The following SNX24 variants were observed in gnomAD, a reference collection of about 807,000 sequenced individuals.
The protein encoded by SNX24 is sorting nexin-24.
In SNX24, 22 loss-of-function variants were observed where a neutral mutation model predicts 28.7. That is an observed-to-expected ratio of 0.77 (90% CI 0.55 to 1.10). The LOEUF (loss-of-function observed/expected upper bound fraction) is 1.10. SNX24 is among the 50% of genes least tolerant of loss of function. The probability of loss-of-function intolerance (pLI) is 0.00; values close to 1 mark genes in which losing one functional copy is unlikely to be tolerated. For synonymous variants in SNX24, 69 were observed against 71.5 expected (o/e 0.96, Z 0.18); for missense variants, 221 against 201.1 (o/e 1.10, Z -0.60).
At chr5:122,851,656 T>C (rs1754924685) in intron 1 of SNX24, among the ~76,000 whole-genome samples, 1 of 152,210 alleles carries the variant, frequency 6.6e-6, no homozygotes, top group Non-Finnish European at 1.5e-5. Flanking sequence ...GGCAGCTTCT[T>C]ATATATAGGA....
intron 3 of SNX24, among the ~76,000 whole-genome samples, chr5:122,964,604 T>C (rs931340770): frequency 3.9e-5 from 6 of 152,158 alleles, no homozygotes; most frequent in African/African-American, 1.4e-4. Flanking sequence ...ATGTATTACA[T>C]ATCCTTGTAA....
intron 6 of SNX24, among the ~76,000 whole-genome samples, chr5:123,006,587 A>G (rs1016074180): frequency 3.3e-5 from 5 of 152,230 alleles, no homozygotes; most frequent in African/African-American, 1.2e-4. Flanking sequence ...CTCCCTCAGT[A>G]GCTTCCCATT....
chr5:122,848,270 A>AT (rs1754731943), intron 1 of SNX24, among the ~76,000 whole-genome samples: 2 of 152,140 alleles, frequency 1.3e-5, no homozygotes, highest in Admixed American at 1.3e-4. Flanking sequence ...TAATTTTTGT[A>AT]TTTTTTGTAG....
intron 2 of SNX24, among the ~76,000 whole-genome samples, chr5:122,942,441 TA>T (rs1292106005): frequency 6.6e-6 from 1 of 152,262 alleles, no homozygotes; most frequent in Non-Finnish European, 1.5e-5. Context: ...GATGGGATTT[TA>T]TCCCCAAGTG....
At chr5:122,923,286 G>A (rs1758524308) in intron 1 of SNX24, among the ~76,000 whole-genome samples, 1 of 151,436 alleles carries the variant, frequency 6.6e-6, no homozygotes, top group Non-Finnish European at 1.5e-5. Flanking sequence ...CTGCCATGAG[G>A]TATGATTACA....
intron 5 of SNX24, among the ~76,000 whole-genome samples, chr5:123,019,751 A>G (rs1762736369): frequency 6.6e-6 from 1 of 152,268 alleles, no homozygotes; most frequent in African/African-American, 2.4e-5. Context: ...TCCGCCCACA[A>G]CTATAAATGT....
chr5:122,904,684 C>T (rs1381765731), intron 1 of SNX24, among the ~76,000 whole-genome samples: 9 of 151,984 alleles, frequency 5.9e-5, no homozygotes, highest in African/African-American at 9.7e-5. Context: ...TCAGATAATT[C>T]GGCTTAATAT....
In SNX24 at chr5:123,028,975, A is replaced by G. The variant is rs530790890; in HGVS notation, n.384-263A>G. On this transcript the variant is annotated intron_variant and non_coding_transcript_variant, in intron 5 of 5. Coordinates refer to the SNX24 transcript ENST00000502387. Reference sequence around the variant, plus strand: ...ACTGAGAAAATTAAACAAAATGCCTACAGAACTTGATTCTATCCCAGCTAT... The same window carrying G: ...ACTGAGAAAATTAAACAAAATGCCTGCAGAACTTGATTCTATCCCAGCTAT... 3.1e-5 allele frequency: 32 copies of G among 1,030,028 alleles called. No individual in the cohort carries two copies. The South Asian group carries it at 5.1e-4, about 16-fold the overall frequency. The allele number at this position is 1,030,028 out of a possible 1,614,324, so 63.8% of individuals were successfully genotyped here.
chr5:123,012,082 C>T (rs1762591825), downstream of SNX24, among the ~76,000 whole-genome samples: 1 of 152,136 alleles, frequency 6.6e-6, no homozygotes, highest in Non-Finnish European at 1.5e-5. Context: ...CTTGGCACCT[C>T]TCCTTCCTGC....
At chr5:123,001,560 TATA>T in intron 5 of SNX24, 123 bp downstream of exon 5, 2 of 739,822 alleles carry the variant, frequency 2.7e-6, no homozygotes, top group Non-Finnish European at 4.5e-6. Flanking sequence ...GTTTTAAGAT[TATA>T]AATATTTGAT....
chr5:123,007,141 A>G (rs751958736), intron 6 of SNX24, among the ~76,000 whole-genome samples: 4 of 152,196 alleles, frequency 2.6e-5, no homozygotes, highest in Non-Finnish European at 2.9e-5. Flanking sequence ...CAAGTTTGGC[A>G]GGATGGCTTC....
At chr5:122,848,206 G>A (rs771908758) in intron 1 of SNX24, among the ~76,000 whole-genome samples, 139 of 152,234 alleles carry the variant, frequency 9.1e-4, no homozygotes, top group Non-Finnish European at 1.7e-3. Flanking sequence ...GGGCTCAAGT[G>A]ATCCTTCCCC....
intron 1 of SNX24, among the ~76,000 whole-genome samples, chr5:122,856,960 G>A (rs1755222157): frequency 6.6e-6 from 1 of 151,994 alleles, no homozygotes; most frequent in Admixed American, 6.6e-5. Context: ...TTTAATAATA[G>A]CCATTCTGAA....
chr5:122,901,201 C>CA (rs58784065), intron 1 of SNX24, among the ~76,000 whole-genome samples: 16,596 of 86,876 alleles, frequency 0.19, 1,253 homozygotes, highest in East Asian at 0.44. Flanking sequence ...AACTCCATCT[C>CA]AAAAAAAAAA....
chr5:122,949,496 C>G (rs1759839995), intron 3 of SNX24, among the ~76,000 whole-genome samples: 1 of 151,972 alleles, frequency 6.6e-6, no homozygotes, highest in African/African-American at 2.4e-5. Context: ...AATTTCAGAT[C>G]TTAAGGGGAA....
At chr5:122,869,317 T>C (rs1230454778) in intron 1 of SNX24, among the ~76,000 whole-genome samples, 2 of 152,178 alleles carry the variant, frequency 1.3e-5, no homozygotes, top group Non-Finnish European at 2.9e-5. Context: ...CACCCATGAG[T>C]ACTTGTTATC....
intron 1 of SNX24, among the ~76,000 whole-genome samples, chr5:122,897,722 T>C (rs1490762184): frequency 1.3e-5 from 2 of 152,222 alleles, no homozygotes; most frequent in East Asian, 3.8e-4. Flanking sequence ...CCTCTATACA[T>C]TTATGAGGCT....
rs376790068 is a variant in SNX24 at position 122,862,161 on chromosome 5, C to A, written c.60+16468C>A. Among the ~76,000 whole-genome samples the A allele has an allele frequency of 3.9e-5, 6 of 152,144 alleles. No homozygotes were observed. The South Asian group carries it at 1.0e-3, about 26-fold the overall frequency. On this transcript the variant is annotated intron_variant, in intron 1 of 6. Coordinates refer to ENST00000261369, the MANE Select transcript of SNX24 (RefSeq NM_014035.4). The stretch of plus-strand genomic sequence containing the variant: ...TGTGGATAGTTGGTAAGGAGGGACA[C>A]GTACTGGGGTTGGAGCTTAAAGAAT...
downstream of SNX24, among the ~76,000 whole-genome samples, chr5:123,010,446 G>A (rs985618342): frequency 7.9e-5 from 12 of 151,922 alleles, no homozygotes; most frequent in African/African-American, 2.9e-4. Flanking sequence ...ATGCCACCAC[G>A]CCTGGCTAAT....
Sources: gnomAD v4.1 joint callset for allele counts (sites outside exome capture counted in the v4.1 genomes callset) on GRCh38, gnomAD v4.1.1 for gene constraint, MANE v1.5 for transcripts, NCBI Gene and HGNC (gene_info 2026-07-23, HGNC 2026-07-21) for gene names.